PLB1: variants seen among roughly 807,000 people sequenced by gnomAD.
PLB1 encodes phospholipase B1, membrane-associated.
In PLB1, 242 loss-of-function variants were observed where a neutral mutation model predicts 227.4. That is an observed-to-expected ratio of 1.06 (90% confidence interval 0.96 to 1.18). PLB1 has a LOEUF of 1.18. Among genes scored for constraint, PLB1 ranks in the 50% most tolerant of loss-of-function variants. PLB1 has a pLI of 0.00. For missense variants in PLB1, 1,858 were observed against 1,816.3 expected (o/e 1.02, Z -0.42); for synonymous variants, 757 against 682.2 (o/e 1.11, Z -1.71).
intron 43 of PLB1, among the ~76,000 whole-genome samples, chr2:28,608,392 G>GAGGCAAC (rs552031102): frequency 6.6e-6 from 1 of 152,198 alleles, no homozygotes. Context: ...TCTAAACATA[G>GAGGCAAC]AGGCAACAGG....
chr2:28,565,579 CTACA>C (rs1676750953), intron 19 of PLB1, among the ~76,000 whole-genome samples: 1 of 152,164 alleles, frequency 6.6e-6, no homozygotes, highest in Non-Finnish European at 1.5e-5. Flanking sequence ...AGGAGAGAAA[CTACA>C]TAAATGTTTG....
At chr2:28,585,175 A>C (rs927228234) in intron 25 of PLB1, among the ~76,000 whole-genome samples, 3 of 152,196 alleles carry the variant, frequency 2.0e-5, no homozygotes, top group Non-Finnish European at 4.4e-5. Flanking sequence ...CACTTTCCTC[A>C]GACAGCCGTA....
chr2:28,616,211 C>G (rs1035381020), intron 44 of PLB1, among the ~76,000 whole-genome samples: 1 of 152,102 alleles, frequency 6.6e-6, no homozygotes, highest in African/African-American at 2.4e-5. Flanking sequence ...TTTCAAATAG[C>G]TAGAACAGCA....
chr2:28,591,368 C>G (rs1681898618), intron 30 of PLB1, among the ~76,000 whole-genome samples, 197 bp downstream of exon 30: 1 of 152,224 alleles, frequency 6.6e-6, no homozygotes, highest in Non-Finnish European at 1.5e-5. Context: ...CCAGCCAACC[C>G]AATCACAGCT....
At chr2:28,576,194 G>A (rs766605229) in intron 21 of PLB1, among the ~76,000 whole-genome samples, 17 of 152,292 alleles carry the variant, frequency 1.1e-4, no homozygotes, top group South Asian at 2.1e-4. Context: ...TATTATTCCC[G>A]TATTACAATC....
At chr2:28,588,057 C>G (rs1299063496) in intron 26 of PLB1, among the ~76,000 whole-genome samples, 3 of 152,106 alleles carry the variant, frequency 2.0e-5, no homozygotes, top group Non-Finnish European at 4.4e-5. Context: ...CCATCATGCC[C>G]TGTCTCAGAA....
intron 29 of PLB1, among the ~76,000 whole-genome samples, chr2:28,590,798 A>G (rs1681772014): frequency 6.6e-6 from 1 of 152,132 alleles, no homozygotes; most frequent in African/African-American, 2.4e-5. Context: ...GAGCGGAGAC[A>G]AGGGCTTTTT....
At chr2:28,598,840 C>A in intron 35 of PLB1, 80 bp downstream of exon 35, 1 of 1,258,730 alleles carries the variant, frequency 7.9e-7, no homozygotes. Context: ...ATGGGGCTGG[C>A]CTCTATGTGC....
intron 33 of PLB1, 36 bp downstream of exon 33, chr2:28,593,790 C>T (rs1263686081): frequency 3.2e-6 from 5 of 1,569,488 alleles, no homozygotes; most frequent in Non-Finnish European, 3.5e-6. Context: ...AGCGTTCCCC[C>T]CACAACAGAG....
intron 1 of PLB1, among the ~76,000 whole-genome samples, chr2:28,515,026 G>T (rs1171422169): frequency 6.6e-6 from 1 of 152,078 alleles, no homozygotes; most frequent in Admixed American, 6.6e-5. Context: ...TTTTCTGTCT[G>T]TAAAGTGGGG....
chr2:28,590,472 G>A (rs778115525), intron 29 of PLB1, among the ~76,000 whole-genome samples: 2 of 152,108 alleles, frequency 1.3e-5, no homozygotes, highest in Admixed American at 6.5e-5. Context: ...TGGGTAGAGC[G>A]AGGAATCGAG....
In PLB1 at chr2:28,614,160, G is replaced by A. The variant is rs1685866328; in HGVS notation, c.3195+64G>A. The stretch of plus-strand genomic sequence containing the variant: ...CCATTTCCACCTGCCAGGGGCTCGG[G>A]TGTGGTACAGGTTTCAGAGTATTCA... On this transcript the variant is annotated intron_variant, in intron 44 of 57. Coordinates refer to ENST00000327757, the MANE Select transcript of PLB1 (RefSeq NM_153021.5). 7 of 1,425,332 alleles carry A rather than the reference G, an allele frequency of 4.9e-6. No homozygotes were observed. In the Admixed American group the frequency reaches 8.4e-5, roughly 17 times the overall value. 88.3% of individuals were successfully genotyped at this position (1,425,332 alleles called of 1,614,324 possible).
Position 28,629,036 on chromosome 2 carries a change from C to G in PLB1, c.3727-58C>G, listed in dbSNP as rs958687641. 3.4e-6 allele frequency: 5 copies of G among 1,453,774 alleles called. No homozygotes were observed. In the African/African-American group the frequency reaches 7.0e-5, roughly 20 times the overall value. 90.1% of individuals were successfully genotyped at this position (1,453,774 alleles called of 1,614,324 possible). A position where few individuals can be genotyped will look rare whatever the true frequency, so the allele number is the denominator to read the frequency against. On this transcript the variant is annotated intron_variant, in intron 52 of 57. Transcript: ENST00000327757. Reference sequence around the variant, plus strand: ...GTGGGAATTGGATTGTAGATGACCCCCAGGTTCCTCCCAGCAGTAGCCAGT... The same window carrying G: ...GTGGGAATTGGATTGTAGATGACCCGCAGGTTCCTCCCAGCAGTAGCCAGT...
At chr2:28,512,716 C>T (rs1396685085) in intron 1 of PLB1, among the ~76,000 whole-genome samples, 3 of 150,402 alleles carry the variant, frequency 2.0e-5, no homozygotes, top group African/African-American at 7.4e-5. Flanking sequence ...GCCTGGCATC[C>T]TAGGAGTCAC....
chr2:28,597,189 G>A (rs977669198), intron 33 of PLB1, among the ~76,000 whole-genome samples: 3 of 151,448 alleles, frequency 2.0e-5, no homozygotes, highest in African/African-American at 7.3e-5. Flanking sequence ...GCATGAACCC[G>A]GGAGGCGGAG....
chr2:28,542,391 G>A (rs191255794), intron 13 of PLB1, among the ~76,000 whole-genome samples: 127 of 152,240 alleles, frequency 8.3e-4, no homozygotes, highest in Admixed American at 7.5e-3. Context: ...TCCCCTCCTA[G>A]CTCTGGGGTG....
intron 1 of PLB1, among the ~76,000 whole-genome samples, chr2:28,500,450 T>C (rs748507203): frequency 3.3e-5 from 5 of 152,202 alleles, no homozygotes; most frequent in Admixed American, 6.5e-5. Context: ...GATTACCCTT[T>C]TTCCCAGTGA....
At chr2:28,593,223 A>G (rs1682299470) in intron 32 of PLB1, among the ~76,000 whole-genome samples, 3 of 152,278 alleles carry the variant, frequency 2.0e-5, no homozygotes, top group Middle Eastern at 3.4e-3. Context: ...CCTTGAGAAT[A>G]CCTTACAGAA....
chr2:28,632,809 C>A, intron 55 of PLB1, 135 bp from the exon 56 acceptor site: 1 of 658,208 alleles, frequency 1.5e-6, no homozygotes, highest in South Asian at 1.9e-5. Context: ...GTTTTTCCAT[C>A]AGTATCTGAG....
Sources: allele counts gnomAD v4.1 joint callset (sites outside exome capture counted in the v4.1 genomes callset), GRCh38; gene constraint gnomAD v4.1.1; transcripts MANE v1.5; gene names NCBI Gene and HGNC (gene_info 2026-07-23, HGNC 2026-07-21).